The following WDR7 variants were observed in gnomAD, a reference collection of about 807,000 sequenced individuals.
WDR7 encodes WD repeat domain 7, also known as WD repeat-containing protein 7.
In WDR7, 46 loss-of-function variants were observed where a neutral mutation model predicts 169.4. The observed-to-expected ratio is 0.27, with a 90% CI of 0.21 to 0.35. The LOEUF is 0.35. WDR7 is among the 10% of genes least tolerant of loss of function. WDR7 has a pLI of 1.00. For synonymous variants in WDR7, 612 were observed against 666.8 expected, an observed-to-expected ratio of 0.92 and a Z score of 1.27; for missense variants, 1,534 against 1,859.3, an observed-to-expected ratio of 0.83 and a Z score of 3.22.
chr18:56,912,394 T>G (rs2046564939), intron 21 of WDR7, among the ~76,000 whole-genome samples: 1 of 152,254 alleles, frequency 6.6e-6, no homozygotes, highest in Admixed American at 6.5e-5. Context: ...ATAAGTGATC[T>G]CTGAATTGAG....
chr18:56,772,309 T>C (rs560366075), intron 16 of WDR7, among the ~76,000 whole-genome samples: 8 of 152,068 alleles, frequency 5.3e-5, no homozygotes, highest in Non-Finnish European at 1.0e-4. Context: ...GGGAAACCCA[T>C]TGAGGGGAGC....
intron 19 of WDR7, among the ~76,000 whole-genome samples, chr18:56,794,324 T>TTTTTTTTTTTTTTTTTTTTA (rs1276556109): frequency 7.7e-6 from 1 of 130,234 alleles, no homozygotes; most frequent in African/African-American, 2.8e-5. Context: ...TTTTTTTTTT[T>TTTTTTTTTTTTTTTTTTTTA]TTTGAGACAG....
chr18:56,665,292 T>TA (rs752515124), intron 1 of WDR7, among the ~76,000 whole-genome samples: 4 of 139,600 alleles, frequency 2.9e-5, no homozygotes, highest in African/African-American at 1.1e-4. Flanking sequence ...AAACTCCATC[T>TA]AAAAAAAAAA....
intron 16 of WDR7, among the ~76,000 whole-genome samples, chr18:56,774,074 A>G (rs1168247366): frequency 6.6e-6 from 1 of 152,068 alleles, no homozygotes; most frequent in Non-Finnish European, 1.5e-5. Flanking sequence ...TCTCTGAAAA[A>G]TGTATTGAAA....
chr18:56,997,222 C>A (rs2047910641), intron 26 of WDR7, among the ~76,000 whole-genome samples: 1 of 152,148 alleles, frequency 6.6e-6, no homozygotes, highest in Non-Finnish European at 1.5e-5. Flanking sequence ...TGCTCCCTGG[C>A]AGAGTGTTTT....
intron 1 of WDR7, among the ~76,000 whole-genome samples, chr18:56,670,173 G>T (rs890373899): frequency 3.9e-5 from 6 of 152,058 alleles, no homozygotes; most frequent in Non-Finnish European, 4.4e-5. Flanking sequence ...TTCGCTGGTA[G>T]TCCTTTCTAG....
intron 16 of WDR7, among the ~76,000 whole-genome samples, chr18:56,764,045 G>A (rs8094251): frequency 0.067 from 10,068 of 150,704 alleles, 774 homozygotes; most frequent in African/African-American, 0.19. Context: ...TATTTCACTG[G>A]TTTTTGATTT....
chr18:57,035,484 G>C, the WDR7 span: 3 of 152,540 alleles, frequency 2.0e-5, no homozygotes, highest in South Asian at 6.2e-4. Context: ...GGCAAGAACA[G>C]GAAAGCTCAG....
At chr18:56,653,769 C>T (rs1598935497) in intron 1 of WDR7, among the ~76,000 whole-genome samples, 1 of 152,184 alleles carries the variant, frequency 6.6e-6, no homozygotes, top group Non-Finnish European at 1.5e-5. Flanking sequence ...TACAGTTTAT[C>T]TGTCTGCTCT....
At chr18:56,787,408 G>T (rs148219790) in intron 19 of WDR7, among the ~76,000 whole-genome samples, 2 of 152,146 alleles carry the variant, frequency 1.3e-5, no homozygotes, top group Non-Finnish European at 2.9e-5. Context: ...TTCTAAAGAG[G>T]GTGCCGTTGT....
intron 14 of WDR7, among the ~76,000 whole-genome samples, chr18:56,745,970 C>T (rs561475254): frequency 1.1e-4 from 17 of 152,252 alleles, no homozygotes; most frequent in African/African-American, 4.1e-4. Context: ...AATGGTTGGC[C>T]AGCAAGTGTG....
intron 20 of WDR7, among the ~76,000 whole-genome samples, chr18:56,855,074 A>T (rs1362048756): frequency 6.6e-6 from 1 of 152,202 alleles, no homozygotes; most frequent in African/African-American, 2.4e-5. Context: ...GATGCTATTG[A>T]TCTACATTCT....
At chr18:56,784,834 T>G (rs1418563915) in intron 19 of WDR7, among the ~76,000 whole-genome samples, 1 of 152,214 alleles carries the variant, frequency 6.6e-6, no homozygotes, top group African/African-American at 2.4e-5. Flanking sequence ...TCTTTTGTAT[T>G]TGATTATAGT....
intron 21 of WDR7, among the ~76,000 whole-genome samples, chr18:56,903,882 T>C (rs902219532): frequency 6.6e-6 from 1 of 152,180 alleles, no homozygotes; most frequent in Non-Finnish European, 1.5e-5. Context: ...GTGACCTCGT[T>C]TGATTCCACC....
intron 20 of WDR7, among the ~76,000 whole-genome samples, chr18:56,865,482 A>G (rs954131866): frequency 1.3e-5 from 2 of 152,144 alleles, no homozygotes; most frequent in Non-Finnish European, 2.9e-5. Flanking sequence ...AATGATTATG[A>G]ATTTATTTGC....
chr18:56,919,506 A>C (rs11664945), intron 21 of WDR7, among the ~76,000 whole-genome samples: 1 of 151,776 alleles, frequency 6.6e-6, no homozygotes, highest in Non-Finnish European at 1.5e-5. Context: ...TTTTGGGGAG[A>C]TGCTCGTTAA....
chr18:56,805,236 C>T (rs1186014024), intron 19 of WDR7, among the ~76,000 whole-genome samples: 1 of 152,120 alleles, frequency 6.6e-6, no homozygotes, highest in East Asian at 1.9e-4. Context: ...TCCTTAAACC[C>T]ATTTAATTTC....
intron 16 of WDR7, among the ~76,000 whole-genome samples, 165 bp downstream of exon 16, chr18:56,759,118 G>T: frequency 6.6e-6 from 1 of 152,136 alleles, no homozygotes; most frequent in East Asian, 1.9e-4. Flanking sequence ...GTCAGTTAAG[G>T]ATAAATCAGA....
At position 56,879,948 on chromosome 18, in the gene WDR7, C is replaced by T. The variant is rs1339010037; in HGVS notation, c.3309C>T (p.Cys1103=). Residue 1103 remains cysteine (C), a synonymous_variant, in exon 21 of 28, where the codon TGC becomes TGT. Coordinates refer to ENST00000254442, the MANE Select transcript of WDR7 (RefSeq NM_015285.3). ...ATTCTATGTTTTGGTCTTCAGGTTG[C>T]TTATCAAGTGTCCCACAAATGAAAA... ...DLVDDDITTG[C]LSSVPQMKKI... is the part of the protein sequence containing the mutation. 5 of 1,612,684 alleles carry T rather than the reference C, an allele frequency of 3.1e-6. No homozygotes were observed. Among genetic ancestry groups the T allele is most frequent in the East Asian group, 4.5e-5 (2 of 44,878 alleles).
Sources: gnomAD v4.1 joint callset for allele counts (sites outside exome capture counted in the v4.1 genomes callset) on GRCh38, gnomAD v4.1.1 for gene constraint, MANE v1.5 for transcripts, NCBI Gene and HGNC (gene_info 2026-07-23, HGNC 2026-07-21) for gene names.